KCNH1: variants seen among roughly 807,000 people sequenced by gnomAD.
The protein encoded by KCNH1 is potassium voltage-gated channel subfamily H member 1, also known as voltage-gated delayed rectifier potassium channel KCNH1.
A neutral mutation model predicts 69.2 loss-of-function variants in KCNH1; 27 were observed. The ratio of observed to expected loss-of-function variants is 0.39; its 90% confidence interval spans 0.29 to 0.54. KCNH1 has a LOEUF of 0.54. KCNH1 is among the 20% of genes least tolerant of loss of function. KCNH1 has a pLI of 0.68. For missense variants in KCNH1, 798 were observed against 1,261.6 expected, an observed-to-expected ratio of 0.63 and a Z score of 5.57; for synonymous variants, 456 against 487.7, an observed-to-expected ratio of 0.93 and a Z score of 0.86.
At chr1:210,708,765 G>C (rs1681977796) in intron 10 of KCNH1, among the ~76,000 whole-genome samples, 1 of 152,178 alleles carries the variant, frequency 6.6e-6, no homozygotes, top group Non-Finnish European at 1.5e-5. Flanking sequence ...AACGGGTCTT[G>C]TTGTAACATT....
intron 6 of KCNH1, among the ~76,000 whole-genome samples, chr1:210,955,659 T>C (rs927849957): frequency 6.6e-6 from 1 of 152,112 alleles, no homozygotes; most frequent in Non-Finnish European, 1.5e-5. Flanking sequence ...ATTCTCTTTG[T>C]AGCAATTGTG....
intron 10 of KCNH1, among the ~76,000 whole-genome samples, chr1:210,730,420 G>A (rs1215120298): frequency 6.6e-6 from 1 of 152,074 alleles, no homozygotes. Flanking sequence ...GGAGTGAAAT[G>A]GCCCACACCA....
chr1:211,000,943 G>A (rs887736501), intron 6 of KCNH1, among the ~76,000 whole-genome samples: 12 of 152,130 alleles, frequency 7.9e-5, no homozygotes, highest in Non-Finnish European at 1.3e-4. Context: ...ATGGTGCTGG[G>A]AAAACTGGCT....
rs564579921 is a variant in KCNH1, at chr1:211,099,869, C to T, written c.310+3627G>A. ...CTGGACACCACTGACAAAGGCCCTG[C>T]GCTCCATCTCCTCCATAGCCCCCTG... On this transcript the variant is annotated intron_variant, in intron 3 of 10. Coordinates refer to ENST00000271751, the MANE Select transcript of KCNH1 (RefSeq NM_172362.3). Among the ~76,000 whole-genome samples, 16 of 152,210 alleles carry T rather than the reference C, an allele frequency of 1.1e-4. No individual in the cohort carries two copies. The South Asian group carries it at 1.9e-3, about 18-fold the overall frequency.
At chr1:211,003,055 T>TTGTG (rs1450734955) in intron 6 of KCNH1, among the ~76,000 whole-genome samples, 2 of 152,086 alleles carry the variant, frequency 1.3e-5, no homozygotes, top group East Asian at 3.9e-4. Flanking sequence ...GTTTGTTTGT[T>TTGTG]TGTTTGTTTA....
Position 210,919,962 on chromosome 1 carries a change from G to A in KCNH1, c.1140C>T (p.Val380=). 6.2e-7 allele frequency: 1 copy of A among 1,614,144 alleles called. No homozygotes were observed. The highest frequency in any genetic ancestry group is 8.5e-7 in the Non-Finnish European group (1 of 1,180,002). The change falls in exon 7 of 11, where the codon GTC becomes GTT. Residue 380 remains valine (V), a synonymous_variant. Transcript: ENST00000271751. The surrounding 1 kb of genome is among the most constrained non-coding windows in gnomAD (Gnocchi z 4.2). ...CCAGCCCAAACACACACACCAGCAG[G>A]ACCAGCACAGCAGCTCCATATTCAA... ...HYIEYGAAVL[V]LLVCVFGLAA...
At chr1:211,082,713 T>C in intron 5 of KCNH1, 67 bp downstream of exon 5, 3 of 1,241,464 alleles carry the variant, frequency 2.4e-6, no homozygotes, top group Middle Eastern at 2.2e-4. Flanking sequence ...ACTAGTTTTG[T>C]GCCATTGCCT....
intron 6 of KCNH1, among the ~76,000 whole-genome samples, chr1:210,978,639 C>A (rs1166824514): frequency 6.6e-6 from 1 of 152,190 alleles, no homozygotes; most frequent in Admixed American, 6.5e-5. Context: ...AAATCTGTCT[C>A]CCTCAGTGTG....
At chr1:211,030,498 T>A (rs1004068173) in intron 5 of KCNH1, among the ~76,000 whole-genome samples, 3 of 152,120 alleles carry the variant, frequency 2.0e-5, no homozygotes, top group Non-Finnish European at 4.4e-5. Flanking sequence ...CAAACGCAAT[T>A]TGTGCAGGAA....
At chr1:210,780,551 G>A (rs1683956556) in intron 9 of KCNH1, among the ~76,000 whole-genome samples, 1 of 152,148 alleles carries the variant, frequency 6.6e-6, no homozygotes, top group African/African-American at 2.4e-5. Flanking sequence ...TGTGTTAGGG[G>A]CTATAACAAG....
chr1:210,900,888 G>A (rs897323711), intron 7 of KCNH1, among the ~76,000 whole-genome samples: 2 of 151,830 alleles, frequency 1.3e-5, no homozygotes, highest in Non-Finnish European at 2.9e-5. Context: ...CTTTAGTACC[G>A]TGTTATAGTC....
intron 7 of KCNH1, among the ~76,000 whole-genome samples, chr1:210,897,294 G>A (rs1686889390): frequency 1.3e-5 from 2 of 152,202 alleles, no homozygotes. Flanking sequence ...GCAGAAGATG[G>A]AGCTCAATGG....
chr1:211,045,466 C>G (rs965476763), intron 5 of KCNH1, among the ~76,000 whole-genome samples: 2 of 151,666 alleles, frequency 1.3e-5, no homozygotes, highest in Admixed American at 1.3e-4. Context: ...CAAATTAAGC[C>G]AAAGAAGCAG....
At chr1:210,891,137 A>G (rs1052042594) in intron 7 of KCNH1, among the ~76,000 whole-genome samples, 1 of 152,176 alleles carries the variant, frequency 6.6e-6, no homozygotes, top group African/African-American at 2.4e-5. Flanking sequence ...CTTGGAACCA[A>G]CCCAAGTGTC....
chr1:210,712,876 TGAA>T (rs1682112757), intron 10 of KCNH1, among the ~76,000 whole-genome samples: 1 of 152,140 alleles, frequency 6.6e-6, no homozygotes, highest in Admixed American at 6.6e-5. Context: ...GCCAAGGCCT[TGAA>T]GAAGTTACGA....
At chr1:210,714,177 T>C (rs1682153909) in intron 10 of KCNH1, among the ~76,000 whole-genome samples, 1 of 152,144 alleles carries the variant, frequency 6.6e-6, no homozygotes. Context: ...TGGACTCCAA[T>C]CAACTTCTCT....
At chr1:211,021,734 TAGCTACAAA>T (rs1689589528) in intron 5 of KCNH1, among the ~76,000 whole-genome samples, 1 of 151,796 alleles carries the variant, frequency 6.6e-6, no homozygotes, top group African/African-American at 2.4e-5. Context: ...CCATTATCAA[TAGCTACAAA>T]AAAAATTAAA....
rs567840350 is a variant in KCNH1 at position 210,937,797 on chromosome 1, C to T, written c.1033-17728G>A. ...TCCTTATATTAACCAGATTTGAACGCTGACTACTACAACAATTTAGAAAAG... is the reference window on the plus strand; with the variant it reads ...TCCTTATATTAACCAGATTTGAACGTTGACTACTACAACAATTTAGAAAAG... On this transcript the variant is annotated intron_variant, in intron 6 of 10. Transcript: ENST00000271751. Among the ~76,000 whole-genome samples the T allele has an allele frequency of 6.6e-5, 10 of 152,314 alleles. No individual in the cohort carries two copies. In the East Asian group the frequency reaches 1.9e-3, roughly 29 times the overall value.
intron 9 of KCNH1, among the ~76,000 whole-genome samples, chr1:210,780,904 G>A (rs895362706): frequency 2.6e-5 from 4 of 152,106 alleles, no homozygotes; most frequent in East Asian, 1.9e-4. Flanking sequence ...AAAATTAGCC[G>A]GGCGTGGTGG....
Sources: allele counts gnomAD v4.1 joint callset (sites outside exome capture counted in the v4.1 genomes callset), GRCh38; gene constraint gnomAD v4.1.1; non-coding constraint Gnocchi (gnomAD v3.1); transcripts MANE v1.5; gene names NCBI Gene and HGNC (gene_info 2026-07-23, HGNC 2026-07-21).